Variants in CCDC171 observed in about 807,000 individuals in gnomAD.
CCDC171 encodes the protein coiled-coil domain containing 171.
A neutral mutation model predicts 168.2 loss-of-function variants in CCDC171; 177 were observed. That is an observed-to-expected ratio of 1.05 (90% CI 0.93 to 1.19). The LOEUF (loss-of-function observed/expected upper bound fraction) is 1.19, where lower values mean the gene tolerates loss of function less well. CCDC171 is among the 50% of genes most tolerant of loss of function. CCDC171 has a pLI of 0.00. For missense variants in CCDC171, 1,991 were observed against 1,539.0 expected (o/e 1.29, Z -4.91); for synonymous variants, 687 against 540.8 (o/e 1.27, Z -3.75).
At chr9:15,566,879 T>C (rs1258768052) in intron 2 of CCDC171, among the ~76,000 whole-genome samples, 1 of 152,220 alleles carries the variant, frequency 6.6e-6, no homozygotes, top group African/African-American at 2.4e-5. Flanking sequence ...TCTCTTTGCA[T>C]GTGCGTAGCC....
rs1038724719 is a variant in CCDC171, at chr9:15,571,511, A to G, written c.42-113A>G. The G allele has an allele frequency of 2.2e-5, 18 of 833,658 alleles. No individual in the cohort carries two copies. In the African/African-American group the frequency reaches 3.2e-4, roughly 15 times the overall value. 51.6% of individuals were successfully genotyped at this position (833,658 alleles called of 1,614,324 possible). On this transcript the variant is annotated intron_variant, in intron 2 of 25. Transcript: ENST00000380701. ...CTAGATTGTGAACTCTAAGTCAAGA[A>G]CCATGTCATGTTCTCTTTGTTTTTT...
intron 4 of CCDC171, among the ~76,000 whole-genome samples, chr9:16,021,834 A>G (rs1833173197): frequency 2.0e-5 from 3 of 152,256 alleles, no homozygotes; most frequent in Admixed American, 6.5e-5. Flanking sequence ...TAGATGGTGC[A>G]GGATCTGTTA....
intron 1 of CCDC171, among the ~76,000 whole-genome samples, chr9:15,562,059 A>G (rs779406694): frequency 2.6e-5 from 4 of 151,836 alleles, no homozygotes; most frequent in Non-Finnish European, 5.9e-5. Flanking sequence ...CAGTGGCGCA[A>G]TCTTGGCTCA....
chr9:15,624,143 G>C (rs2044826120), intron 7 of CCDC171, among the ~76,000 whole-genome samples: 1 of 152,062 alleles, frequency 6.6e-6, no homozygotes. Flanking sequence ...ACACTGTTAA[G>C]AACAGCAATA....
chr9:15,603,634 T>C (rs967991087), intron 6 of CCDC171, among the ~76,000 whole-genome samples: 4 of 152,244 alleles, frequency 2.6e-5, no homozygotes, highest in African/African-American at 7.2e-5. Flanking sequence ...TACCACATTT[T>C]CTTTATCCAG....
the CCDC171 span, among the ~76,000 whole-genome samples, chr9:16,070,204 A>C: frequency 6.6e-6 from 1 of 152,146 alleles, no homozygotes; most frequent in South Asian, 2.1e-4. Context: ...TTCATATAAC[A>C]TGAGCCCCTC....
intron 18 of CCDC171, among the ~76,000 whole-genome samples, chr9:15,774,630 G>A (rs979762608): frequency 2.6e-5 from 4 of 152,122 alleles, no homozygotes; most frequent in Admixed American, 6.6e-5. Context: ...AAAAGATGTC[G>A]TTATACAAAA....
At chr9:15,995,777 G>C (rs1254524120) in intron 3 of CCDC171, among the ~76,000 whole-genome samples, 2 of 152,146 alleles carry the variant, frequency 1.3e-5, no homozygotes, top group South Asian at 4.1e-4. Context: ...TCTGCAACCG[G>C]TCTGTTGAAT....
At chr9:15,606,854 A>G (rs2043265288) in intron 6 of CCDC171, among the ~76,000 whole-genome samples, 1 of 152,194 alleles carries the variant, frequency 6.6e-6, no homozygotes, top group Non-Finnish European at 1.5e-5. Flanking sequence ...TCTAGTGGAA[A>G]AAAGAAGAAC....
chr9:15,918,326 G>C (rs1462464736), intron 24 of CCDC171, among the ~76,000 whole-genome samples: 2 of 148,492 alleles, frequency 1.3e-5, no homozygotes, highest in Non-Finnish European at 3.0e-5. Flanking sequence ...AAGTAGACAA[G>C]AAAACGACTC....
the CCDC171 span, among the ~76,000 whole-genome samples, chr9:16,071,188 C>G: frequency 1.3e-5 from 2 of 152,268 alleles, no homozygotes; most frequent in East Asian, 3.9e-4. Flanking sequence ...GACCTGAGAC[C>G]TAATCACAGC....
At chr9:15,709,310 C>G (rs2052478815) in intron 11 of CCDC171, among the ~76,000 whole-genome samples, 1 of 152,018 alleles carries the variant, frequency 6.6e-6, no homozygotes. Context: ...TTGTGAGTAG[C>G]TATGACAGAA....
chr9:15,560,281 C>G (rs2039179032), intron 1 of CCDC171, among the ~76,000 whole-genome samples: 1 of 152,238 alleles, frequency 6.6e-6, no homozygotes, highest in Non-Finnish European at 1.5e-5. Context: ...GCCTGCCTCA[C>G]TAGGTTGGGG....
rs1831450579 is a variant in CCDC171 at position 15,972,509 on chromosome 9, C to T, written c.*673C>T. 6.6e-6 allele frequency: 1 copy of T among 152,244 alleles called. No individual in the cohort carries two copies. The highest frequency in any genetic ancestry group is 1.5e-5 in the Non-Finnish European group (1 of 68,108). 9.4% of individuals were successfully genotyped at this position (152,244 alleles called of 1,614,324 possible). On this transcript the variant is annotated 3_prime_UTR_variant, in exon 26 of 26. Transcript: ENST00000380701. Reference sequence around the variant, plus strand: ...CTGGTCCCTGAAGGCACTGAAAACTCATTCTTTTAGCAAGTCTGCATTTGA... The same window carrying T: ...CTGGTCCCTGAAGGCACTGAAAACTTATTCTTTTAGCAAGTCTGCATTTGA...
intron 3 of CCDC171, among the ~76,000 whole-genome samples, chr9:15,980,279 C>G (rs1198595946): frequency 1.3e-5 from 2 of 152,156 alleles, no homozygotes; most frequent in African/African-American, 2.4e-5. Flanking sequence ...CCCCCGAATT[C>G]AAACAACAAC....
chr9:16,086,466 C>T, the CCDC171 span, among the ~76,000 whole-genome samples: 1 of 151,968 alleles, frequency 6.6e-6, no homozygotes, highest in Non-Finnish European at 1.5e-5. Context: ...CACCACCACA[C>T]CTGGCTAATT....
intron 1 of CCDC171, among the ~76,000 whole-genome samples, chr9:16,055,646 T>A (rs982908722): frequency 2.0e-5 from 3 of 152,230 alleles, no homozygotes; most frequent in Non-Finnish European, 4.4e-5. Flanking sequence ...AACGTGTAAT[T>A]TCTTGATGCC....
chr9:15,703,486 T>C (rs1040820911), intron 11 of CCDC171, among the ~76,000 whole-genome samples: 15 of 152,212 alleles, frequency 9.9e-5, no homozygotes, highest in Admixed American at 9.8e-4. Flanking sequence ...TTTTTAGCTC[T>C]CATGTATGAG....
chr9:15,871,430 C>G (rs1588940213), intron 23 of CCDC171, among the ~76,000 whole-genome samples: 1 of 151,594 alleles, frequency 6.6e-6, no homozygotes, highest in Non-Finnish European at 1.5e-5. Context: ...AATTTTATTC[C>G]TAATTCACAC....
Sources: gnomAD v4.1 joint callset for allele counts (sites outside exome capture counted in the v4.1 genomes callset) on GRCh38, gnomAD v4.1.1 for gene constraint, MANE v1.5 for transcripts, NCBI Gene and HGNC (gene_info 2026-07-23, HGNC 2026-07-21) for gene names.